FBXO25: variants seen among roughly 807,000 people sequenced by gnomAD.
The protein encoded by FBXO25 is F-box protein 25.
Under a neutral mutation model 51.9 loss-of-function variants are expected in FBXO25, and 45 were observed. The ratio of observed to expected loss-of-function variants is 0.87; its 90% CI spans 0.68 to 1.11. The LOEUF (loss-of-function observed/expected upper bound fraction) is 1.11. FBXO25 is among the 50% of genes most tolerant of loss of function. The pLI is 0.00. For missense variants in FBXO25, 507 were observed against 428.5 expected (o/e 1.18, Z -1.62); for synonymous variants, 199 against 151.0 (o/e 1.32, Z -2.33).
intron 8 of FBXO25, among the ~76,000 whole-genome samples, chr8:460,247 C>T (rs150101849): frequency 2.3e-3 from 350 of 152,188 alleles, no homozygotes; most frequent in Non-Finnish European, 4.3e-3. Context: ...GTCTTTTGGC[C>T]ATTTCTGTGG....
chr8:453,988 G>C (rs1165476055), intron 7 of FBXO25, among the ~76,000 whole-genome samples: 2 of 152,158 alleles, frequency 1.3e-5, no homozygotes, highest in African/African-American at 4.8e-5. Context: ...GCCAGGTGTG[G>C]TGGCAGGTAC....
chr8:440,737 A>G (rs1248816187), intron 5 of FBXO25, among the ~76,000 whole-genome samples: 2 of 151,368 alleles, frequency 1.3e-5, no homozygotes, highest in African/African-American at 4.9e-5. Context: ...TCTGTCCCCT[A>G]GCCCCCCACC....
chr8:409,618 A>G (rs972409617), intron 1 of FBXO25, among the ~76,000 whole-genome samples: 1 of 152,168 alleles, frequency 6.6e-6, no homozygotes, highest in African/African-American at 2.4e-5. Context: ...TAGTGTCTAA[A>G]TAGGTAAGTA....
In FBXO25 at chr8:471,527, G is replaced by C. The variant is rs946576852; in HGVS notation, c.*2723G>C. ...AAGTAGATAATTCAGGACCCCAGGAGCCTAAAGCCAGGTAGTAAGTTTCAC... is the reference window on the plus strand; with the variant it reads ...AAGTAGATAATTCAGGACCCCAGGACCCTAAAGCCAGGTAGTAAGTTTCAC... On this transcript the variant is annotated 3_prime_UTR_variant, in exon 10 of 10. Coordinates refer to ENST00000350302, the MANE Select transcript of FBXO25 (RefSeq NM_183420.2). The C allele has an allele frequency of 3.3e-5, 5 of 152,162 alleles. 1 individual carries two copies. Among genetic ancestry groups the C allele is most frequent in the African/African-American group, 4.8e-5 (2 of 41,436 alleles). The allele number at this position is 152,162 out of a possible 1,614,324, so 9.4% of individuals were successfully genotyped here.
chr8:465,482 AC>A (rs1451291235), intron 9 of FBXO25, among the ~76,000 whole-genome samples: 14 of 152,208 alleles, frequency 9.2e-5, no homozygotes, highest in African/African-American at 3.4e-4. Context: ...TTTTCTTAGA[AC>A]AATATTTATC....
At position 469,863 on chromosome 8, in the gene FBXO25, T is replaced by C. The variant is rs1800420684; in HGVS notation, c.*1059T>C. ...AAGCATAATAATAAAAGTATACTTT[T>C]ATGGCGTTATAAATAGGACTAAAAA... On this transcript the variant is annotated 3_prime_UTR_variant, in exon 10 of 10. Transcript: ENST00000350302. The C allele has an allele frequency of 6.6e-6, 1 of 152,190 alleles. No homozygotes were observed. The highest frequency in any genetic ancestry group is 1.5e-5 in the Non-Finnish European group (1 of 68,036). 9.4% of individuals were successfully genotyped at this position (152,190 alleles called of 1,614,324 possible).
At chr8:451,240 A>G (rs772156149) in intron 6 of FBXO25, 29 bp from the exon 7 acceptor site, 37 of 1,572,714 alleles carry the variant, frequency 2.4e-5, no homozygotes, top group East Asian at 6.7e-5. Context: ...AACTGTATCA[A>G]TCCATAGTTT....
chr8:455,915 C>T (rs540127130), intron 7 of FBXO25, among the ~76,000 whole-genome samples: 1 of 152,324 alleles, frequency 6.6e-6, no homozygotes, highest in South Asian at 2.1e-4. Context: ...CTTGTTATAG[C>T]CATTAACAGG....
intron 9 of FBXO25, among the ~76,000 whole-genome samples, chr8:466,032 G>C (rs974001343): frequency 2.0e-5 from 3 of 152,128 alleles, no homozygotes; most frequent in Non-Finnish European, 2.9e-5. Context: ...TCTTGCCCTT[G>C]GAGGCTGTGA....
intron 2 of FBXO25, among the ~76,000 whole-genome samples, chr8:421,313 A>C (rs1797139330): frequency 6.6e-6 from 1 of 152,208 alleles, no homozygotes; most frequent in South Asian, 2.1e-4. Context: ...TCTTCTAAGA[A>C]ATTGGTCCTT....
chr8:417,741 G>A (rs1258243421), intron 2 of FBXO25, among the ~76,000 whole-genome samples: 2 of 152,110 alleles, frequency 1.3e-5, no homozygotes, highest in Non-Finnish European at 2.9e-5. Context: ...ATGTCAGTGT[G>A]CATTGAGTTC....
chr8:462,920 C>G (rs764622816), intron 8 of FBXO25, 87 bp from the exon 9 acceptor site: 183 of 1,464,516 alleles, frequency 1.2e-4, no homozygotes, highest in Middle Eastern at 7.5e-4. Context: ...AAATTAAAAA[C>G]TAAAATAAAA....
chr8:467,352 G>C (rs541438284), intron 9 of FBXO25, among the ~76,000 whole-genome samples: 1 of 152,314 alleles, frequency 6.6e-6, no homozygotes, highest in African/African-American at 2.4e-5. Context: ...AAAAAAATCT[G>C]TTATAAAGTT....
intron 2 of FBXO25, among the ~76,000 whole-genome samples, chr8:429,244 A>C (rs1797676904): frequency 6.6e-6 from 1 of 152,066 alleles, no homozygotes. Flanking sequence ...CCTCATAATG[A>C]GCGTGAGGTA....
intron 1 of FBXO25, among the ~76,000 whole-genome samples, chr8:408,286 T>C (rs1469927690): frequency 2.6e-5 from 4 of 151,872 alleles, no homozygotes; most frequent in Admixed American, 6.6e-5. Flanking sequence ...TTTAGGTTCA[T>C]CATTACTTGA....
rs1365470933 is a variant in FBXO25 at position 458,413 on chromosome 8, G to T, written c.705G>T (p.Met235Ile). 6.2e-7 allele frequency: 1 copy of T among 1,614,140 alleles called. No homozygotes were observed. The highest frequency in any genetic ancestry group is 1.7e-5 in the Admixed American group (1 of 60,028). ...CCCTCAGTGACCTTCCTCTGCACAT[G>T]CTGAACAACATCCTATACCGGTTCT... is the stretch of plus-strand genomic sequence containing the variant. The part of the protein sequence containing the change: ...GLTLSDLPLH[M>I]LNNILYRFSD... Residue 235 changes from methionine to isoleucine, a missense_variant, in exon 8 of 10, where the codon ATG (methionine) becomes ATT (isoleucine). Coordinates refer to ENST00000350302, the MANE Select transcript of FBXO25 (RefSeq NM_183420.2).
At chr8:429,186 C>A (rs946834470) in intron 2 of FBXO25, among the ~76,000 whole-genome samples, 3 of 152,042 alleles carry the variant, frequency 2.0e-5, no homozygotes, top group Admixed American at 1.3e-4. Context: ...AGTTTCCCCA[C>A]ATGCATGTCA....
intron 7 of FBXO25, among the ~76,000 whole-genome samples, chr8:454,382 C>A (rs531584090): frequency 1.3e-5 from 2 of 152,190 alleles, no homozygotes; most frequent in African/African-American, 4.8e-5. Flanking sequence ...TTCCTCACCC[C>A]GTCAGCACTT....
At chr8:437,939 C>A (rs1217026393) in intron 5 of FBXO25, among the ~76,000 whole-genome samples, 1 of 151,970 alleles carries the variant, frequency 6.6e-6, no homozygotes, top group Non-Finnish European at 1.5e-5. Context: ...TATTAGAATA[C>A]CTATAAATAA....
Sources: gnomAD v4.1 joint callset for allele counts (sites outside exome capture counted in the v4.1 genomes callset) on GRCh38, gnomAD v4.1.1 for gene constraint, MANE v1.5 for transcripts, NCBI Gene and HGNC (gene_info 2026-07-23, HGNC 2026-07-21) for gene names.